The following TASP1 variants were observed in gnomAD, a reference collection of about 807,000 sequenced individuals.
The protein encoded by TASP1 is taspase 1, also known as threonine aspartase 1.
TASP1 carries 16 observed loss-of-function variants against 56.6 expected under a neutral mutation model. The observed-to-expected ratio is 0.28, with a 90% CI of 0.19 to 0.43. TASP1 has a LOEUF of 0.43. Among genes scored for constraint, TASP1 ranks in the 20% least tolerant of loss-of-function variants. The pLI, the probability that TASP1 is intolerant of heterozygous loss-of-function variation, is 1.00. For missense variants in TASP1, 393 were observed against 511.6 expected (o/e 0.77, Z 2.24); for synonymous variants, 179 against 184.2 (o/e 0.97, Z 0.23).
the TASP1 span, among the ~76,000 whole-genome samples, chr20:13,108,266 C>T: frequency 3.3e-5 from 5 of 152,228 alleles, no homozygotes; most frequent in African/African-American, 1.2e-4. Flanking sequence ...AAAAGAAACA[C>T]ACACACACAA....
chr20:13,586,083 C>T (rs1469634700), intron 5 of TASP1, among the ~76,000 whole-genome samples: 5 of 148,920 alleles, frequency 3.4e-5, no homozygotes, highest in African/African-American at 7.4e-5. Context: ...TGCAGTGAGC[C>T]GAGATCGCAC....
chr20:13,207,674 C>T, the TASP1 span, among the ~76,000 whole-genome samples: 1 of 152,138 alleles, frequency 6.6e-6, no homozygotes, highest in Admixed American at 6.5e-5. Flanking sequence ...CGGTTTTTTG[C>T]TCTATTCTGG....
chr20:13,159,971 T>TA, the TASP1 span: 2 of 944,938 alleles, frequency 2.1e-6, no homozygotes. Context: ...AACTAACCAC[T>TA]TTTTTTTTTT....
chr20:13,214,709 T>A, the TASP1 span, among the ~76,000 whole-genome samples: 1 of 152,050 alleles, frequency 6.6e-6, no homozygotes, highest in African/African-American at 2.4e-5. Flanking sequence ...TGAAAGTAAA[T>A]CACAAGGATT....
chr20:13,562,644 A>G (rs545698768), intron 7 of TASP1, among the ~76,000 whole-genome samples: 4 of 152,140 alleles, frequency 2.6e-5, no homozygotes, highest in South Asian at 2.1e-4. Flanking sequence ...TGGGAAACCA[A>G]TGTGGGTGAA....
the TASP1 span, among the ~76,000 whole-genome samples, chr20:13,350,657 C>T: frequency 6.6e-6 from 1 of 151,416 alleles, no homozygotes; most frequent in Non-Finnish European, 1.5e-5. Context: ...AGTACATAAA[C>T]AAAAAGACTA....
chr20:13,108,507 C>T, the TASP1 span, among the ~76,000 whole-genome samples: 13 of 152,314 alleles, frequency 8.5e-5, no homozygotes, highest in African/African-American at 3.1e-4. Context: ...TAAGCCAATG[C>T]ACATACGCTT....
chr20:13,532,458 A>G (rs1401993878), intron 9 of TASP1, among the ~76,000 whole-genome samples: 1 of 152,162 alleles, frequency 6.6e-6, no homozygotes, highest in African/African-American at 2.4e-5. Flanking sequence ...CCTCTATCCA[A>G]GCATTATAAT....
chr20:13,269,523 A>C, the TASP1 span, among the ~76,000 whole-genome samples: 2 of 152,142 alleles, frequency 1.3e-5, no homozygotes, highest in African/African-American at 4.8e-5. Context: ...TCTCTACAAC[A>C]GCTTCGCTGG....
the TASP1 span, among the ~76,000 whole-genome samples, chr20:13,224,968 C>CT: frequency 1.3e-5 from 2 of 151,390 alleles, no homozygotes; most frequent in African/African-American, 4.9e-5. Context: ...GCCTCAGCCT[C>CT]CCAAGTAGCT....
the TASP1 span, among the ~76,000 whole-genome samples, chr20:13,208,078 C>T: frequency 3.9e-5 from 6 of 152,104 alleles, no homozygotes; most frequent in Non-Finnish European, 8.8e-5. Context: ...TTTCTTTGAT[C>T]ATGCAGTCTC....
chr20:13,390,456 CAGAG>C lies in TASP1; in HGVS notation c.1171-8_1171-5del, dbSNP rs745426610. ...GAGGAAGTCTTGAAATGTGAGTCTG[CAGAG>C]AGAGAGAGACAGCAGAGCATCAGAG... On this transcript the variant is annotated splice_polypyrimidine_tract_variant and splice_region_variant and intron_variant, in intron 13 of 13. Transcript: ENST00000337743. 5 of 1,608,774 alleles carry C rather than the reference CAGAG, an allele frequency of 3.1e-6. No individual in the cohort carries two copies. The South Asian group carries it at 4.4e-5, about 14-fold the overall frequency.
the TASP1 span, among the ~76,000 whole-genome samples, chr20:13,296,537 G>C: frequency 6.6e-6 from 1 of 152,206 alleles, no homozygotes; most frequent in Non-Finnish European, 1.5e-5. Context: ...CTTTTATAGA[G>C]AAGTAAATAA....
At chr20:13,323,193 G>A in the TASP1 span, among the ~76,000 whole-genome samples, 47 of 152,296 alleles carry the variant, frequency 3.1e-4, no homozygotes, top group Admixed American at 2.0e-3. Flanking sequence ...CAAAGAATAA[G>A]AGAGTCGGTA....
At chr20:13,319,325 C>T in the TASP1 span, among the ~76,000 whole-genome samples, 1 of 152,146 alleles carries the variant, frequency 6.6e-6, no homozygotes, top group African/African-American at 2.4e-5. Context: ...TATCTGGTCA[C>T]ATGTGCCTGG....
chr20:13,559,184 T>G, intron 7 of TASP1, 70 bp from the exon 8 acceptor site: 1 of 966,276 alleles, frequency 1.0e-6, no homozygotes, highest in Non-Finnish European at 1.4e-6. Context: ...TCAAATAAGA[T>G]ATCTGAAGAG....
At chr20:13,405,485 T>C (rs2041881444) in intron 13 of TASP1, among the ~76,000 whole-genome samples, 1 of 152,224 alleles carries the variant, frequency 6.6e-6, no homozygotes, top group Admixed American at 6.5e-5. Flanking sequence ...ACAAACAGCA[T>C]CCACACTGCT....
intron 10 of TASP1, among the ~76,000 whole-genome samples, chr20:13,516,653 CCTTTG>C (rs1255286260): frequency 7.7e-6 from 1 of 130,452 alleles, no homozygotes; most frequent in Admixed American, 8.3e-5. Flanking sequence ...TGATCTTACG[CCTTTG>C]TTTTTTTTTT....
At position 13,630,120 on chromosome 20, in the gene TASP1, C is replaced by T; in HGVS notation, c.-42G>A. ...CTTCTACTGAGAAAGGGGCATACTTCCATCCAAAAGTAATTGCAGGAGAGG... is the reference window on the plus strand; with the variant it reads ...CTTCTACTGAGAAAGGGGCATACTTTCATCCAAAAGTAATTGCAGGAGAGG... On this transcript the variant is annotated 5_prime_UTR_variant, in exon 2 of 14. Transcript: ENST00000337743. 1 of 1,585,590 alleles carries T rather than the reference C, an allele frequency of 6.3e-7. No homozygotes were observed. The highest frequency in any genetic ancestry group is 8.6e-7 in the Non-Finnish European group (1 of 1,169,362).
Sources: gnomAD v4.1 joint callset for allele counts (sites outside exome capture counted in the v4.1 genomes callset) on GRCh38, gnomAD v4.1.1 for gene constraint, MANE v1.5 for transcripts, NCBI Gene and HGNC (gene_info 2026-07-23, HGNC 2026-07-21) for gene names.